The following BRINP1 variants were observed in gnomAD, a reference collection of about 807,000 sequenced individuals.
The protein encoded by BRINP1 is BMP/retinoic acid-inducible neural-specific protein 1.
Under a neutral mutation model 72.9 loss-of-function variants are expected in BRINP1, and 17 were observed. The observed-to-expected ratio is 0.23, with a 90% CI of 0.16 to 0.35. The LOEUF (loss-of-function observed/expected upper bound fraction) is 0.35. Ranked by LOEUF, BRINP1 falls within the 10% of genes least tolerant of loss-of-function variation. The pLI is 1.00. For missense variants in BRINP1, 850 were observed against 1,001.6 expected (o/e 0.85, Z 2.04); for synonymous variants, 418 against 378.5 (o/e 1.10, Z -1.21).
At chr9:119,303,399 TGAG>T in intron 2 of BRINP1, among the ~76,000 whole-genome samples, 1 of 151,392 alleles carries the variant, frequency 6.6e-6, no homozygotes, top group South Asian at 2.1e-4. Context: ...AAATGTCCCC[TGAG>T]CATTACACAT....
rs995477997 is a variant in BRINP1, at chr9:119,184,011, A to T, written c.1146-15787T>A. 3.3e-5 allele frequency among the ~76,000 whole-genome samples: 5 copies of T among 152,194 alleles called. No homozygotes were observed. The South Asian group carries it at 8.3e-4, about 25-fold the overall frequency. The stretch of plus-strand genomic sequence containing the variant: ...GCAGTCCATAGAAATTATAAGACTT[A>T]TGTCTATTTTTGACTAAATCCCCTG... On this transcript the variant is annotated intron_variant, in intron 7 of 7. Transcript: ENST00000265922.
chr9:119,187,408 A>T (rs1456457874), intron 7 of BRINP1, among the ~76,000 whole-genome samples: 3 of 151,982 alleles, frequency 2.0e-5, no homozygotes, highest in Admixed American at 2.0e-4. Flanking sequence ...CCACTGCCAC[A>T]AAGTCTTGTA....
rs375736813 is a variant in BRINP1 at position 119,333,052 on chromosome 9, G to C, written c.-50-19647C>G. 7.9e-5 allele frequency among the ~76,000 whole-genome samples: 12 copies of C among 152,012 alleles called. No individual in the cohort carries two copies. In the East Asian group the frequency reaches 2.3e-3, roughly 29 times the overall value. On this transcript the variant is annotated intron_variant, in intron 1 of 7. Transcript: ENST00000265922. ...GGATTTGATGCTAGATCTATTCAAA[G>C]CTTAGGCTCTTAATTCACATTAAAC...
intron 1 of BRINP1, among the ~76,000 whole-genome samples, chr9:119,348,028 T>C (rs1029412383): frequency 7.2e-5 from 11 of 152,212 alleles, no homozygotes; most frequent in African/African-American, 2.7e-4. Flanking sequence ...GTACATTTTA[T>C]GGGTTTGGAC....
chr9:119,333,038 T>C (rs552180998), intron 1 of BRINP1, among the ~76,000 whole-genome samples: 3 of 152,108 alleles, frequency 2.0e-5, no homozygotes, highest in African/African-American at 4.8e-5. Context: ...GATTTGATGC[T>C]AGATCTATTC....
chr9:119,273,202 C>T (rs1830624594), intron 2 of BRINP1, among the ~76,000 whole-genome samples: 1 of 152,164 alleles, frequency 6.6e-6, no homozygotes, highest in South Asian at 2.1e-4. Flanking sequence ...GGCTCTGTCA[C>T]CAAAGTGTTT....
intron 5 of BRINP1, among the ~76,000 whole-genome samples, chr9:119,226,474 T>A (rs1391273339): frequency 6.6e-6 from 1 of 152,014 alleles, no homozygotes; most frequent in African/African-American, 2.4e-5. Flanking sequence ...AAGAAGTAAC[T>A]CCCTGATACT....
intron 2 of BRINP1, among the ~76,000 whole-genome samples, chr9:119,308,136 T>G (rs1490740469): frequency 6.6e-6 from 1 of 152,244 alleles, no homozygotes; most frequent in East Asian, 1.9e-4. Context: ...TATTGCTTCT[T>G]TGACTATGAG....
chr9:119,342,992 G>A (rs1312412895), intron 1 of BRINP1, among the ~76,000 whole-genome samples: 2 of 152,202 alleles, frequency 1.3e-5, no homozygotes, highest in Non-Finnish European at 2.9e-5. Flanking sequence ...AAATAGAGAT[G>A]AGTATAATAC....
intron 2 of BRINP1, among the ~76,000 whole-genome samples, chr9:119,254,036 A>G (rs1830420829): frequency 6.6e-6 from 1 of 152,166 alleles, no homozygotes; most frequent in South Asian, 2.1e-4. Flanking sequence ...ACTTAAGTAA[A>G]AGGGCTCAAT....
At position 119,252,553 on chromosome 9, in the gene BRINP1, C is replaced by CGTGT. The variant is rs149734478; in HGVS notation, c.219-3407_219-3404dup. 6.2e-5 allele frequency among the ~76,000 whole-genome samples: 9 copies of CGTGT among 145,706 alleles called. No individual in the cohort carries two copies. In the East Asian group the frequency reaches 7.9e-4, roughly 13 times the overall value. ...ATATAGAAAAATATATATAGTCATA[C>CGTGT]GTGTGTGTGTGTGTGTGTGTATCAC... is the stretch of plus-strand genomic sequence containing the variant. On this transcript the variant is annotated intron_variant, in intron 2 of 7. Coordinates refer to ENST00000265922, the MANE Select transcript of BRINP1 (RefSeq NM_014618.3).
At chr9:119,282,912 C>G (rs1830727614) in intron 2 of BRINP1, 2 of 985,252 alleles carry the variant, frequency 2.0e-6, no homozygotes, top group South Asian at 9.4e-5. Flanking sequence ...AAGCTCTATG[C>G]CCCTGGGAGG....
chr9:119,242,803 T>C lies in BRINP1; in HGVS notation c.410-587A>G, dbSNP rs187516389. Among the ~76,000 whole-genome samples the C allele has an allele frequency of 2.2e-4, 33 of 152,306 alleles. No individual in the cohort carries two copies. In the East Asian group the frequency reaches 5.0e-3, roughly 23 times the overall value. On this transcript the variant is annotated intron_variant, in intron 3 of 7. Coordinates refer to ENST00000265922, the MANE Select transcript of BRINP1 (RefSeq NM_014618.3). ...ATTTAGATGCAAATATAAAAATTTA[T>C]ACATTTTCTTCTTTTAAGTTTTTCT...
rs910973594 is a variant in BRINP1, at chr9:119,208,315, G to A, written c.1145+404C>T. ...CAAAGGACCTCATAAATAAGGTGGCGAATGATTAATTAGTTAATCCAGTTT... is the reference window on the plus strand; with the variant it reads ...CAAAGGACCTCATAAATAAGGTGGCAAATGATTAATTAGTTAATCCAGTTT... On this transcript the variant is annotated intron_variant, in intron 7 of 7. Transcript: ENST00000265922. Among the ~76,000 whole-genome samples the A allele has an allele frequency of 1.5e-3, 222 of 152,270 alleles. 3 individuals carry two copies. The highest frequency in any genetic ancestry group is 2.8e-4 in the Non-Finnish European group (19 of 68,018).
chr9:119,289,968 C>G (rs960501918), intron 2 of BRINP1, among the ~76,000 whole-genome samples: 1 of 152,168 alleles, frequency 6.6e-6, no homozygotes, highest in African/African-American at 2.4e-5. Context: ...TCTTGCTCCC[C>G]CTACTGGCTG....
intron 7 of BRINP1, among the ~76,000 whole-genome samples, chr9:119,182,392 T>C (rs1203096255): frequency 6.6e-6 from 1 of 152,176 alleles, no homozygotes; most frequent in Non-Finnish European, 1.5e-5. Flanking sequence ...ACAGAATATA[T>C]TTGCAATACC....
chr9:119,217,300 G>T (rs1829988323), intron 5 of BRINP1, among the ~76,000 whole-genome samples: 1 of 150,854 alleles, frequency 6.6e-6, no homozygotes, highest in African/African-American at 2.5e-5. Flanking sequence ...TGTCCCCACA[G>T]TTCCCAAAGA....
At chr9:119,321,659 G>A (rs540869653) in intron 1 of BRINP1, among the ~76,000 whole-genome samples, 1 of 151,982 alleles carries the variant, frequency 6.6e-6, no homozygotes, top group African/African-American at 2.4e-5. Context: ...ATTTTTTGTA[G>A]AGACTAATTT....
At chr9:119,230,859 C>T (rs556150295) in intron 5 of BRINP1, among the ~76,000 whole-genome samples, 6 of 152,032 alleles carry the variant, frequency 3.9e-5, no homozygotes, top group South Asian at 4.2e-4. Context: ...AGAGGGCAGA[C>T]GATACCTCAA....
Sources: allele counts gnomAD v4.1 joint callset (sites outside exome capture counted in the v4.1 genomes callset), GRCh38; gene constraint gnomAD v4.1.1; transcripts MANE v1.5; gene names NCBI Gene and HGNC (gene_info 2026-07-23, HGNC 2026-07-21).